Variants in HNRNPAB observed in about 807,000 individuals in gnomAD.
HNRNPAB encodes ABBP-1.
In HNRNPAB, 17 loss-of-function variants were observed where a neutral mutation model predicts 44.1. The ratio of observed to expected loss-of-function variants is 0.39; its 90% confidence interval spans 0.26 to 0.58. HNRNPAB has a LOEUF of 0.58. Ranked by LOEUF, HNRNPAB falls within the 20% of genes least tolerant of loss-of-function variation. The pLI is 0.63. For missense variants in HNRNPAB, 393 were observed against 432.7 expected, an observed-to-expected ratio of 0.91 and a Z score of 0.81; for synonymous variants, 183 against 167.6, an observed-to-expected ratio of 1.09 and a Z score of -0.71.
rs913095024 is a variant in HNRNPAB at position 178,209,207 on chromosome 5, A to G, written c.670-123A>G. 4.6e-5 allele frequency: 37 copies of G among 811,624 alleles called. No individual in the cohort carries two copies. The African/African-American group carries it at 5.7e-4, about 13-fold the overall frequency. 50.3% of individuals were successfully genotyped at this position (811,624 alleles called of 1,614,324 possible). On this transcript the variant is annotated intron_variant, in intron 5 of 7. Transcript: ENST00000358344. ...CCCAAAGGTGGCCTCCCATACTAGCATATTTTGTTTCTCAGCAAATGGACC... is the reference window on the plus strand; with the variant it reads ...CCCAAAGGTGGCCTCCCATACTAGCGTATTTTGTTTCTCAGCAAATGGACC...
At chr5:178,210,100 C>T (rs1162462744) in intron 6 of HNRNPAB, 32 bp from the exon 7 acceptor site, 1 of 1,611,458 alleles carries the variant, frequency 6.2e-7, no homozygotes, top group Admixed American at 1.7e-5. Context: ...GCTAAATGGT[C>T]CACGGGCCCC....
In HNRNPAB at chr5:178,205,734, T is replaced by C. The variant is rs1757030573; in HGVS notation, c.210-108T>C. The C allele has an allele frequency of 4.8e-6, 5 of 1,031,508 alleles. No homozygotes were observed. In the South Asian group the frequency reaches 7.6e-5, roughly 16 times the overall value. The allele number at this position is 1,031,508 out of a possible 1,614,324, so 63.9% of individuals were successfully genotyped here. A position where few individuals can be genotyped will look rare whatever the true frequency, so the allele number is the denominator to read the frequency against. The stretch of plus-strand genomic sequence containing the variant: ...TCTTTCTAAGGTGCTCCTTGCAGAC[T>C]CTAAGGGTAGCTGTAGACTTCGTGA... On this transcript the variant is annotated intron_variant, in intron 2 of 7. Transcript: ENST00000358344.
chr5:178,208,751 C>CA (rs1260048681), intron 5 of HNRNPAB: 2 of 152,874 alleles, frequency 1.3e-5, no homozygotes, highest in African/African-American at 4.8e-5. Context: ...GGGATGCAGA[C>CA]ATCTGGGTTA....
rs900737725 is a variant in HNRNPAB at position 178,204,572 on chromosome 5, C to G, written c.-192C>G. On this transcript the variant is annotated 5_prime_UTR_variant, in exon 1 of 8. Transcript: ENST00000358344. ...CGCGGGACGGAGCTTGGCTGTTGGT[C>G]GGTGGGTTCCCGTGCGGCGGCGGCC... is the stretch of plus-strand genomic sequence containing the variant. The G allele has an allele frequency of 1.0e-4, 24 of 235,090 alleles. No individual in the cohort carries two copies. In the East Asian group the frequency reaches 2.1e-3, roughly 20 times the overall value. The allele number at this position is 235,090 out of a possible 1,614,324, so 14.6% of individuals were successfully genotyped here.
Position 178,205,741 on chromosome 5 carries a change from G to T in HNRNPAB, c.210-101G>T, listed in dbSNP as rs1326034578. ...AAGGTGCTCCTTGCAGACTCTAAGG[G>T]TAGCTGTAGACTTCGTGAGAACTTT... On this transcript the variant is annotated intron_variant, in intron 2 of 7. Transcript: ENST00000358344. 1.7e-5 allele frequency: 18 copies of T among 1,087,188 alleles called. No individual in the cohort carries two copies. In the Admixed American group the frequency reaches 3.9e-4, roughly 24 times the overall value. The allele number at this position is 1,087,188 out of a possible 1,614,324, so 67.3% of individuals were successfully genotyped here. A position where few individuals can be genotyped will look rare whatever the true frequency, so the allele number is the denominator to read the frequency against.
intron 2 of HNRNPAB, 33 bp from the exon 3 acceptor site, chr5:178,205,809 C>G (rs1469220862): frequency 1.3e-6 from 2 of 1,599,434 alleles, no homozygotes; most frequent in East Asian, 2.2e-5. Context: ...GCTTACAAGA[C>G]TTGTTGCCGT....
chr5:178,205,566 A>G (rs1757023358), intron 2 of HNRNPAB: 1 of 342,946 alleles, frequency 2.9e-6, no homozygotes, highest in African/African-American at 2.0e-5. Flanking sequence ...GAACACATGA[A>G]TTTCCAGTTA....
chr5:178,205,157 G>A (rs1227577485), intron 2 of HNRNPAB, 111 bp downstream of exon 2: 21 of 749,094 alleles, frequency 2.8e-5, no homozygotes, highest in Non-Finnish European at 5.3e-6. Context: ...CGGGGCTGGT[G>A]CGGCCCGCGG....
chr5:178,208,621 C>T (rs1226197858), intron 5 of HNRNPAB: 1 of 152,178 alleles, frequency 6.6e-6, no homozygotes, highest in East Asian at 1.9e-4. Flanking sequence ...GTGTGCATGT[C>T]AGGATTTTCT....
Position 178,209,352 on chromosome 5 carries a change from C to T in HNRNPAB, c.692C>T (p.Pro231Leu). 1.2e-6 allele frequency: 2 copies of T among 1,614,086 alleles called. No homozygotes were observed. The highest frequency in any genetic ancestry group is 1.7e-5 in the Admixed American group (1 of 60,020). ...TAGTGTGAGATCAAGGTGGCCCAGC[C>T]CAAAGAAGTCTATCAGCAGCAGCAG... The part of the protein sequence containing the change: ...GSKCEIKVAQ[P>L]KEVYQQQQYG... Residue 231 changes from proline (P) to leucine (L), a missense_variant, in exon 6 of 8, where the codon CCC (proline) becomes CTC (leucine). Pro to Leu is a moderately conservative substitution (Grantham distance 98). Coordinates refer to ENST00000358344, the MANE Select transcript of HNRNPAB (RefSeq NM_031266.3).
In HNRNPAB at chr5:178,210,561, A is replaced by G. The variant is rs1359867128; in HGVS notation, c.937A>G (p.Ser313Gly). ...GTTGTTCTCGTCCCTAGGTCAGGGT[A>G]GTACAAACTACGGCAAGAGCCAGCG... Reference protein sequence around the residue: ...YGPGYDYSQGSTNYGKSQRRG... With the variant: ...YGPGYDYSQGGTNYGKSQRRG... Residue 313 changes from serine (S) to glycine (G), a missense_variant, in exon 8 of 8, where the codon AGT (serine) becomes GGT (glycine). By Grantham distance (56) the Ser-to-Gly change is moderately conservative (BLOSUM62 0). Coordinates refer to ENST00000358344, the MANE Select transcript of HNRNPAB (RefSeq NM_031266.3). 2 of 1,614,036 alleles carry G rather than the reference A, an allele frequency of 1.2e-6. No homozygotes were observed. Among genetic ancestry groups the G allele is most frequent in the South Asian group, 1.1e-5 (1 of 91,078 alleles).
At chr5:178,206,940 C>T in intron 4 of HNRNPAB, 50 bp downstream of exon 4, 1 of 1,605,032 alleles carries the variant, frequency 6.2e-7, no homozygotes, top group Non-Finnish European at 8.5e-7. Flanking sequence ...AGGCTGCCTT[C>T]TTTCTGGTCC....
Position 178,210,787 on chromosome 5 carries a change from C to T in HNRNPAB, c.*164C>T, listed in dbSNP as rs1464519163. The T allele has an allele frequency of 1.5e-6, 1 of 654,342 alleles. No homozygotes were observed. The highest frequency in any genetic ancestry group is 2.8e-6 in the Non-Finnish European group (1 of 362,814). 40.5% of individuals were successfully genotyped at this position (654,342 alleles called of 1,614,324 possible). A position where few individuals can be genotyped will look rare whatever the true frequency, so the allele number is the denominator to read the frequency against. ...AAATCACTCTCCTGTTGACTATTTCCAGAGCTCTAGGTGTTTAGGCAGCGT... is the reference window on the plus strand; with the variant it reads ...AAATCACTCTCCTGTTGACTATTTCTAGAGCTCTAGGTGTTTAGGCAGCGT... On this transcript the variant is annotated 3_prime_UTR_variant, in exon 8 of 8. Coordinates refer to ENST00000358344, the MANE Select transcript of HNRNPAB (RefSeq NM_031266.3).
Position 178,205,636 on chromosome 5 carries a change from G to C in HNRNPAB, c.210-206G>C, listed in dbSNP as rs749265613. On this transcript the variant is annotated intron_variant, in intron 2 of 7. Transcript: ENST00000358344. ...TCCCTTCTTTGCTTCTCACAGGCTG[G>C]GGCTGCAGAGCCTTGTTAAGCCTCG... is the stretch of plus-strand genomic sequence containing the variant. 7.3e-5 allele frequency: 40 copies of C among 547,084 alleles called. No homozygotes were observed. The South Asian group carries it at 7.7e-4, about 11-fold the overall frequency. The allele number at this position is 547,084 out of a possible 1,614,324, so 33.9% of individuals were successfully genotyped here.
intron 2 of HNRNPAB, 82 bp from the exon 3 acceptor site, chr5:178,205,760 G>T (rs982192832): frequency 7.2e-7 from 1 of 1,382,196 alleles, no homozygotes; most frequent in South Asian, 1.3e-5. Flanking sequence ...GACTTCGTGA[G>T]AACTTTGCCA....
Position 178,210,820 on chromosome 5 carries a change from C to G in HNRNPAB, c.*197C>G. The G allele has an allele frequency of 1.7e-6, 1 of 602,856 alleles. No homozygotes were observed. Among genetic ancestry groups the G allele is most frequent in the South Asian group, 1.9e-5 (1 of 51,696 alleles). The allele number at this position is 602,856 out of a possible 1,614,324, so 37.3% of individuals were successfully genotyped here. Reference sequence around the variant, plus strand: ...TAGGTGTTTAGGCAGCGTGTGGTGTCTGAGAGGCCATAGCGCCATCATGGG... The same window carrying G: ...TAGGTGTTTAGGCAGCGTGTGGTGTGTGAGAGGCCATAGCGCCATCATGGG... On this transcript the variant is annotated 3_prime_UTR_variant, in exon 8 of 8. Coordinates refer to ENST00000358344, the MANE Select transcript of HNRNPAB (RefSeq NM_031266.3).
chr5:178,209,585 A>G, intron 6 of HNRNPAB, 138 bp downstream of exon 6: 1 of 717,818 alleles, frequency 1.4e-6, no homozygotes, highest in Non-Finnish European at 2.4e-6. Flanking sequence ...AGGAATAGGA[A>G]CGGCTCTGGG....
At chr5:178,208,187 C>T (rs1237767056) in intron 5 of HNRNPAB, among the ~76,000 whole-genome samples, 1 of 152,154 alleles carries the variant, frequency 6.6e-6, no homozygotes, top group African/African-American at 2.4e-5. Context: ...AGGGTGCGGC[C>T]TGCAGTGGCA....
At chr5:178,210,472 T>A in intron 7 of HNRNPAB, 81 bp from the exon 8 acceptor site, 1 of 1,495,810 alleles carries the variant, frequency 6.7e-7, no homozygotes, top group Non-Finnish European at 9.2e-7. Flanking sequence ...CTGGTGAGGG[T>A]CCTGGGAAGA....
Sources: gnomAD v4.1 joint callset for allele counts (sites outside exome capture counted in the v4.1 genomes callset) on GRCh38, gnomAD v4.1.1 for gene constraint, MANE v1.5 for transcripts, NCBI Gene and HGNC (gene_info 2026-07-23, HGNC 2026-07-21) for gene names.